MPP3: variants seen among roughly 807,000 people sequenced by gnomAD.
The protein encoded by MPP3 is MAGUK p55 subfamily member 3.
Under a neutral mutation model 80.7 loss-of-function variants are expected in MPP3, and 48 were observed. The observed-to-expected ratio is 0.59, with a 90% CI of 0.47 to 0.76. MPP3 has a LOEUF of 0.76. Among genes scored for constraint, MPP3 ranks in the 30% least tolerant of loss-of-function variants. The pLI, the probability that MPP3 is intolerant of heterozygous loss-of-function variation, is 0.00. For missense variants in MPP3, 620 were observed against 763.0 expected (o/e 0.81, Z 2.21); for synonymous variants, 311 against 297.6 (o/e 1.04, Z -0.46).
At chr17:43,831,132 C>T in intron 5 of MPP3, 112 bp downstream of exon 5, 2 of 982,960 alleles carry the variant, frequency 2.0e-6, no homozygotes, top group South Asian at 2.7e-5. Flanking sequence ...CACCTCTTCA[C>T]CTTTGGGCTC....
Position 43,831,255 on chromosome 17 carries a change from G to T in MPP3, c.211C>A (p.Leu71Ile). Residue 71 changes from leucine to isoleucine, a missense_variant, in exon 5 of 20, where the codon CTC (leucine) becomes ATC (isoleucine). By Grantham distance (5) the Leu-to-Ile change is conservative. Transcript: ENST00000398389. ...PTPVLHSAVA[L>I]AEDVMEELQA... ...AACCTGGGGCTTACGTCCTCAGCGA[G>T]GGCCACAGCGCTGTGCAGAACTGGG... The T allele has an allele frequency of 6.2e-7, 1 of 1,614,048 alleles. No individual in the cohort carries two copies. Among genetic ancestry groups the T allele is most frequent in the Non-Finnish European group, 8.5e-7 (1 of 1,180,018 alleles).
intron 12 of MPP3, 99 bp downstream of exon 12, chr17:43,817,947 T>A: frequency 2.3e-6 from 2 of 873,550 alleles, no homozygotes; most frequent in Non-Finnish European, 1.7e-6. Flanking sequence ...AGACCCCTGA[T>A]GCCCCCTCCA....
At chr17:43,807,279 T>C (rs1250479920) in intron 19 of MPP3, among the ~76,000 whole-genome samples, 3 of 150,806 alleles carry the variant, frequency 2.0e-5, no homozygotes, top group East Asian at 2.0e-4. Context: ...GCCTCCCCCT[T>C]AGAGTTTCTA....
intron 8 of MPP3, among the ~76,000 whole-genome samples, chr17:43,826,795 C>T (rs60167972): frequency 0.044 from 6,693 of 151,098 alleles, 478 homozygotes; most frequent in African/African-American, 0.15. Context: ...TCTCAATCAC[C>T]CCAAAGTACT....
chr17:43,826,798 A>C (rs1056343494), intron 8 of MPP3, among the ~76,000 whole-genome samples: 11 of 150,684 alleles, frequency 7.3e-5, no homozygotes, highest in African/African-American at 2.7e-4. Context: ...CAATCACCCC[A>C]AAGTACTCCA....
At chr17:43,818,546 G>A (rs761569229) in intron 11 of MPP3, among the ~76,000 whole-genome samples, 7 of 152,150 alleles carry the variant, frequency 4.6e-5, no homozygotes, top group Non-Finnish European at 1.0e-4. Context: ...TCCCCTCAGC[G>A]GAAGGCTCAG....
chr17:43,814,881 C>T (rs906677080), intron 14 of MPP3, among the ~76,000 whole-genome samples: 2 of 152,138 alleles, frequency 1.3e-5, no homozygotes, highest in Non-Finnish European at 2.9e-5. Context: ...ATGTCTACAA[C>T]TAAGTCTCAT....
In MPP3 at chr17:43,829,735, C is replaced by A. The variant is rs185959872; in HGVS notation, c.360G>T (p.Pro120=). 3.1e-6 allele frequency: 5 copies of A among 1,613,876 alleles called. No individual in the cohort carries two copies. Among genetic ancestry groups the A allele is most frequent in the Non-Finnish European group, 4.2e-6 (5 of 1,179,996 alleles). The change falls in exon 7 of 20, where the codon CCG becomes CCT. Residue 120 remains proline, a synonymous_variant. Coordinates refer to ENST00000398389, the MANE Select transcript of MPP3 (RefSeq NM_001932.6). ...CCTCATCGATATTGTCAGGCAGAGG[C>A]GGGAGAACGGGGTCAAAATTCTTCT... is the stretch of plus-strand genomic sequence containing the variant. ...VAQKNFDPVL[P]PLPDNIDEDF...
At chr17:43,832,085 G>A in intron 2 of MPP3, 142 bp from the exon 3 acceptor site, 1 of 661,456 alleles carries the variant, frequency 1.5e-6, no homozygotes, top group Non-Finnish European at 2.7e-6. Context: ...ACTTTTTTCA[G>A]AGAGGAAGGA....
rs1462048195 is a variant in MPP3, at chr17:43,823,984, T to C, written c.631A>G (p.Thr211Ala). The part of the protein sequence containing the change: ...QILAQSQGSI[T>A]LKIIPATQEE... ...TGGGTGGCTGGGATGATTTTTAGGGTGATGGATCCCTGGGACTGGGCCTGA... is the reference window on the plus strand; with the variant it reads ...TGGGTGGCTGGGATGATTTTTAGGGCGATGGATCCCTGGGACTGGGCCTGA... Residue 211 changes from threonine to alanine, a missense_variant, in exon 10 of 20, where the codon ACC becomes GCC. Thr to Ala is a moderately conservative substitution (Grantham distance 58). Transcript: ENST00000398389. 8.1e-6 allele frequency: 13 copies of C among 1,607,684 alleles called. No individual in the cohort carries two copies. Among genetic ancestry groups the C allele is most frequent in the Non-Finnish European group, 1.0e-5 (12 of 1,177,488 alleles).
chr17:43,808,305 C>T (rs765382070), intron 19 of MPP3, among the ~76,000 whole-genome samples: 9 of 152,146 alleles, frequency 5.9e-5, no homozygotes, highest in Non-Finnish European at 1.3e-4. Context: ...CCACCACCCA[C>T]AACAACTTCC....
chr17:43,831,728 T>C, intron 3 of MPP3, 51 bp from the exon 4 acceptor site: 1 of 1,510,386 alleles, frequency 6.6e-7, no homozygotes, highest in South Asian at 1.2e-5. Flanking sequence ...GGGTGCTCCC[T>C]GCCCCCGAGG....
In MPP3 at chr17:43,805,140, A is replaced by T. The variant is rs1009839369; in HGVS notation, c.1582-3263T>A. On this transcript the variant is annotated intron_variant, in intron 19 of 19. Coordinates refer to ENST00000398389, the MANE Select transcript of MPP3 (RefSeq NM_001932.6). Reference sequence around the variant, plus strand: ...CTTACAACTCAATAACAAAAAATGGACATTTAAAAATGGACAAAGTATTTG... The same window carrying T: ...CTTACAACTCAATAACAAAAAATGGTCATTTAAAAATGGACAAAGTATTTG... Among the ~76,000 whole-genome samples, 8 of 152,362 alleles carry T rather than the reference A, an allele frequency of 5.3e-5. No individual in the cohort carries two copies. In the South Asian group the frequency reaches 1.0e-3, roughly 20 times the overall value.
chr17:43,807,174 T>C (rs1488256097), intron 19 of MPP3, among the ~76,000 whole-genome samples: 3 of 151,454 alleles, frequency 2.0e-5, no homozygotes, highest in Admixed American at 6.6e-5. Context: ...GGTTTCACCA[T>C]GTTGGCCTGG....
rs750142703 is a variant in MPP3 at position 43,829,605 on chromosome 17, G to A, written c.441+49C>T. The A allele has an allele frequency of 2.1e-5, 34 of 1,601,496 alleles. No individual in the cohort carries two copies. In the Admixed American group the frequency reaches 3.0e-4, roughly 14 times the overall value. ...CTTGTCCAGTGTTCTGGGTGGGGGT[G>A]AGAGGCAGGGGAAGAGTGGGTTAGA... On this transcript the variant is annotated intron_variant, in intron 7 of 19. Coordinates refer to ENST00000398389, the MANE Select transcript of MPP3 (RefSeq NM_001932.6).
In MPP3 at chr17:43,814,315, AC is replaced by A. The variant is rs1218452874; in HGVS notation, c.1055del (p.Gly352ValfsTer18). The stretch of plus-strand genomic sequence containing the variant: ...AGGACATCTTTCCTTCCTGCGAGCC[AC>A]CCAGTCTCTCCCTACAGCCCAGCCG... The part of the protein sequence containing the change: ...SFRLGCRERL[G>X]GSQEGKMSSG... On this transcript the variant is annotated frameshift_variant, in exon 15 of 20. Coordinates refer to ENST00000398389, the MANE Select transcript of MPP3 (RefSeq NM_001932.6). LOFTEE classifies it high-confidence loss of function. 6.2e-7 allele frequency: 1 copy of A among 1,610,892 alleles called. No homozygotes were observed. Among genetic ancestry groups the A allele is most frequent in the East Asian group, 2.2e-5 (1 of 44,870 alleles).
intron 19 of MPP3, among the ~76,000 whole-genome samples, chr17:43,808,715 G>A (rs1483352386): frequency 3.3e-5 from 5 of 152,240 alleles, no homozygotes; most frequent in Non-Finnish European, 7.3e-5. Flanking sequence ...GTGGAGGGGC[G>A]TGAGCCCAGG....
At position 43,830,127 on chromosome 17, in the gene MPP3, C is replaced by T. The variant is rs373720389; in HGVS notation, c.223-20G>A. 147 of 1,507,942 alleles carry T rather than the reference C, an allele frequency of 9.7e-5. 1 individual carries two copies. The South Asian group carries it at 1.3e-3, about 14-fold the overall frequency. 93.4% of individuals were successfully genotyped at this position (1,507,942 alleles called of 1,614,324 possible). On this transcript the variant is annotated intron_variant, in intron 5 of 19. Transcript: ENST00000398389. ...CATCACCTGCAGAGAATGAGACAGG[C>T]GCCACTGATGGCTAGAGGTGCCCCT... is the stretch of plus-strand genomic sequence containing the variant.
chr17:43,824,118 C>T (rs1247065312), intron 9 of MPP3, 113 bp from the exon 10 acceptor site: 2 of 668,848 alleles, frequency 3.0e-6, no homozygotes, highest in South Asian at 2.1e-5. Context: ...CTTGCAGCCT[C>T]CCCTGAGGCC....
Sources: allele counts gnomAD v4.1 joint callset (sites outside exome capture counted in the v4.1 genomes callset), GRCh38; gene constraint gnomAD v4.1.1; transcripts MANE v1.5; gene names NCBI Gene and HGNC (gene_info 2026-07-23, HGNC 2026-07-21).